The following PRKG1 variants were observed in gnomAD, a reference collection of about 807,000 sequenced individuals.
The protein encoded by PRKG1 is cGMP-dependent protein kinase 1.
PRKG1 carries 35 observed loss-of-function variants against 88.1 expected under a neutral mutation model. That is an observed-to-expected ratio of 0.40 (90% CI 0.30 to 0.53). The LOEUF (loss-of-function observed/expected upper bound fraction) is 0.53, where lower values mean the gene tolerates loss of function less well. Among genes scored for constraint, PRKG1 ranks in the 20% least tolerant of loss-of-function variants. The probability of loss-of-function intolerance (pLI) is 0.59; values close to 1 mark genes in which losing one functional copy is unlikely to be tolerated. For missense variants in PRKG1, 540 were observed against 839.8 expected (o/e 0.64, Z 4.41); for synonymous variants, 303 against 292.5 (o/e 1.04, Z -0.37).
chr10:52,099,472 A>G (rs563000020), intron 7 of PRKG1, among the ~76,000 whole-genome samples: 59 of 152,314 alleles, frequency 3.9e-4, no homozygotes, highest in African/African-American at 1.3e-3. Flanking sequence ...TGAAGACACT[A>G]TGTCACACAG....
chr10:52,144,474 T>C (rs1837673452), intron 8 of PRKG1, among the ~76,000 whole-genome samples: 1 of 152,152 alleles, frequency 6.6e-6, no homozygotes, highest in South Asian at 2.1e-4. Flanking sequence ...AAGATACTGC[T>C]GCAGTAGTCC....
At chr10:52,191,676 G>A (rs997021393) in intron 9 of PRKG1, among the ~76,000 whole-genome samples, 17 of 152,246 alleles carry the variant, frequency 1.1e-4, no homozygotes, top group Non-Finnish European at 2.2e-4. Flanking sequence ...ATAATAAAAG[G>A]CCAATAGTGC....
At chr10:52,282,405 A>G in intron 14 of PRKG1, 89 bp downstream of exon 14, 1 of 1,266,978 alleles carries the variant, frequency 7.9e-7, no homozygotes, top group Non-Finnish European at 1.1e-6. Context: ...AGACCATCTT[A>G]AAGTACTTTT....
intron 1 of PRKG1, among the ~76,000 whole-genome samples, chr10:51,014,042 TAAA>T (rs1564570590): frequency 6.6e-6 from 1 of 152,190 alleles, no homozygotes; most frequent in Non-Finnish European, 1.5e-5. Context: ...CCTTTGGAAA[TAAA>T]GAGGAAATTT....
intron 3 of PRKG1, among the ~76,000 whole-genome samples, chr10:51,719,042 A>G (rs1841951760): frequency 6.6e-6 from 1 of 152,154 alleles, no homozygotes; most frequent in African/African-American, 2.4e-5. Flanking sequence ...GCTACTCAAG[A>G]GGCCCCTGAG....
chr10:51,019,643 T>C (rs970108769), intron 1 of PRKG1, among the ~76,000 whole-genome samples: 1 of 151,742 alleles, frequency 6.6e-6, no homozygotes, highest in African/African-American at 2.4e-5. Context: ...AATAGACAAA[T>C]TGGACTTCAT....
intron 2 of PRKG1, among the ~76,000 whole-genome samples, chr10:51,464,282 T>A (rs1839824805): frequency 6.6e-6 from 1 of 151,084 alleles, no homozygotes; most frequent in Admixed American, 6.6e-5. Context: ...AGACTCCATC[T>A]CAAAAAAAAA....
chr10:51,415,573 A>G (rs1277085852), intron 2 of PRKG1, among the ~76,000 whole-genome samples: 1 of 152,154 alleles, frequency 6.6e-6, no homozygotes, highest in African/African-American at 2.4e-5. Flanking sequence ...ACTTGTAATT[A>G]TTTTATAAGA....
At chr10:51,255,604 T>G (rs986470187) in intron 2 of PRKG1, among the ~76,000 whole-genome samples, 24 of 152,142 alleles carry the variant, frequency 1.6e-4, no homozygotes, top group African/African-American at 5.1e-4. Context: ...ATAAGATGGA[T>G]GCAGTAGCCA....
At chr10:51,109,255 A>G (rs1844920873) in intron 1 of PRKG1, among the ~76,000 whole-genome samples, 1 of 152,128 alleles carries the variant, frequency 6.6e-6, no homozygotes, top group Non-Finnish European at 1.5e-5. Flanking sequence ...GGAAATGCAA[A>G]GGACTTCAAA....
intron 1 of PRKG1, among the ~76,000 whole-genome samples, chr10:51,105,417 GGGAGATAAAA>G (rs1844809053): frequency 6.6e-6 from 1 of 152,132 alleles, no homozygotes; most frequent in African/African-American, 2.4e-5. Context: ...TGATGAAGGA[GGGAGATAAAA>G]GGTGTGGGAA....
intron 4 of PRKG1, among the ~76,000 whole-genome samples, chr10:51,903,264 C>T (rs1842019017): frequency 6.6e-6 from 1 of 151,568 alleles, no homozygotes; most frequent in Non-Finnish European, 1.5e-5. Flanking sequence ...GGTTTGAAAA[C>T]AAAACAAAAC....
At chr10:52,163,506 T>C (rs1040207536) in intron 9 of PRKG1, among the ~76,000 whole-genome samples, 1 of 152,032 alleles carries the variant, frequency 6.6e-6, no homozygotes, top group Non-Finnish European at 1.5e-5. Context: ...TAATGTATTT[T>C]TGCTGCTTCC....
At chr10:52,141,178 G>C (rs1361473761) in intron 8 of PRKG1, among the ~76,000 whole-genome samples, 2 of 152,134 alleles carry the variant, frequency 1.3e-5, no homozygotes, top group Non-Finnish European at 2.9e-5. Flanking sequence ...AAGCAGGAAA[G>C]ATAAAATCTA....
chr10:52,062,263 T>G (rs1427898251), intron 6 of PRKG1, among the ~76,000 whole-genome samples: 1 of 152,078 alleles, frequency 6.6e-6, no homozygotes, highest in Admixed American at 6.6e-5. Context: ...GCAGGAAAAT[T>G]AGAATAGAGA....
intron 10 of PRKG1, among the ~76,000 whole-genome samples, chr10:52,269,202 C>G (rs976750007): frequency 2.6e-5 from 4 of 152,060 alleles, no homozygotes; most frequent in African/African-American, 9.7e-5. Context: ...GACTTTACTT[C>G]TTCTTCTCTG....
At chr10:51,655,858 G>A (rs1009991447) in intron 3 of PRKG1, among the ~76,000 whole-genome samples, 4 of 152,080 alleles carry the variant, frequency 2.6e-5, no homozygotes, top group Admixed American at 6.6e-5. Context: ...TTCCTATCAC[G>A]AAATATTGGG....
chr10:51,735,877 ATATGTATATTTATTTATT>A (rs1221566004), intron 3 of PRKG1, among the ~76,000 whole-genome samples: 1 of 115,664 alleles, frequency 8.6e-6, no homozygotes, highest in African/African-American at 3.8e-5. Context: ...ATATATATAT[ATATGTATATTTATTTATT>A]TATTTATTTA....
intron 2 of PRKG1, 126 bp downstream of exon 2, chr10:51,153,456 G>A: frequency 1.1e-6 from 1 of 936,312 alleles, no homozygotes; most frequent in Non-Finnish European, 1.5e-6. Flanking sequence ...AAATTAGTTT[G>A]AGAAGAGTTG....
Sources: allele counts gnomAD v4.1 joint callset (sites outside exome capture counted in the v4.1 genomes callset), GRCh38; gene constraint gnomAD v4.1.1; transcripts MANE v1.5; gene names NCBI Gene and HGNC (gene_info 2026-07-23, HGNC 2026-07-21).